The following CES3 variants were observed in gnomAD, a reference collection of about 807,000 sequenced individuals.
The protein encoded by CES3 is carboxylesterase 3.
A neutral mutation model predicts 57.6 loss-of-function variants in CES3; 49 were observed. The observed-to-expected ratio is 0.85, with a 90% CI of 0.68 to 1.08. CES3 has a LOEUF of 1.08. Among genes scored for constraint, CES3 ranks in the 50% least tolerant of loss-of-function variants. CES3 has a pLI of 0.00. For synonymous variants in CES3, 266 were observed against 281.6 expected (o/e 0.94, Z 0.55); for missense variants, 645 against 742.0 (o/e 0.87, Z 1.52).
In CES3 at chr16:66,963,891, C is replaced by T. The variant is rs775042194; in HGVS notation, c.516C>T (p.Val172=). The change falls in exon 4 of 13, where the codon GTC becomes GTT. Residue 172 remains valine, a synonymous_variant. Transcript: ENST00000303334. The surrounding 1 kb of genome is among the most constrained non-coding windows in gnomAD (Gnocchi z 4.9). ...CTCTGGCTGCCTATGGGGATGTGGTCGTGGTTACAGTCCAGTACCGCCTTG... is the reference window on the plus strand; with the variant it reads ...CTCTGGCTGCCTATGGGGATGTGGTTGTGGTTACAGTCCAGTACCGCCTTG... ...GSALAAYGDV[V]VVTVQYRLGV... is the part of the protein sequence containing the mutation. The T allele has an allele frequency of 5.0e-5, 81 of 1,614,016 alleles. No individual in the cohort carries two copies. Among genetic ancestry groups the T allele is most frequent in the Non-Finnish European group, 6.4e-5 (75 of 1,179,998 alleles).
intron 6 of CES3, among the ~76,000 whole-genome samples, chr16:66,965,804 G>A (rs1357476344): frequency 6.6e-6 from 1 of 152,136 alleles, no homozygotes; most frequent in East Asian, 1.9e-4. Context: ...GCCGGGCATG[G>A]TGGCAGGTGC....
intron 8 of CES3, among the ~76,000 whole-genome samples, chr16:66,968,571 T>C (rs1297502717): frequency 6.6e-6 from 1 of 152,214 alleles, no homozygotes; most frequent in Admixed American, 6.5e-5. Context: ...TCCCCTCATA[T>C]TGGTCCCTTG....
intron 10 of CES3, 107 bp from the exon 11 acceptor site, chr16:66,972,248 AT>A: frequency 8.7e-7 from 1 of 1,147,408 alleles, no homozygotes; most frequent in Non-Finnish European, 1.2e-6. Context: ...TTTTATCATC[AT>A]CATCATCATC....
intron 9 of CES3, 117 bp from the exon 10 acceptor site, chr16:66,971,055 C>G: frequency 1.6e-6 from 2 of 1,218,034 alleles, no homozygotes; most frequent in Admixed American, 5.6e-5. Flanking sequence ...CTGGCTGTCC[C>G]CTGGACCATC....
In CES3 at chr16:66,963,540, G is replaced by C. The variant is rs148757465; in HGVS notation, c.337G>C (p.Gly113Arg). The C allele has an allele frequency of 1.2e-6, 2 of 1,614,200 alleles. No homozygotes were observed. The highest frequency in any genetic ancestry group is 1.7e-6 in the Non-Finnish European group (2 of 1,180,032). Residue 113 changes from glycine (G) to arginine (R), a missense_variant, in exon 3 of 13, where the codon GGA (glycine) becomes CGA (arginine). Coordinates refer to ENST00000303334, the MANE Select transcript of CES3 (RefSeq NM_024922.6). This position sits in a 1 kb window ranked among gnomAD's most constrained non-coding sequence, Gnocchi z 4.9. ...GAACAGCAGCAGATTTGTCCTCAAC[G>C]GAAAACAGCAGATCTTCTCCGTTTC... ...SMNSSRFVLNGKQQIFSVSED... is the reference protein window; with the variant it reads ...SMNSSRFVLNRKQQIFSVSED...
chr16:66,967,685 CTTT>C (rs112843467), intron 8 of CES3: 84 of 907,618 alleles, frequency 9.3e-5, no homozygotes, highest in Non-Finnish European at 9.3e-5. Context: ...CTTCACTTTT[CTTT>C]TTTTTTTTTT....
In CES3 at chr16:66,973,005, T is replaced by C. The variant is rs780868285; in HGVS notation, c.1672T>C (p.Trp558Arg). The C allele has an allele frequency of 2.5e-6, 4 of 1,613,982 alleles. No homozygotes were observed. The South Asian group carries it at 4.4e-5, about 18-fold the overall frequency. Residue 558 changes from tryptophan (W) to arginine (R), a missense_variant, in exon 13 of 13, where the codon TGG becomes CGG. Transcript: ENST00000303334. ...SETLPSKIQQ[W>R]HQKQKNRKAQ... ...GACGCTCCCCAGCAAGATACAACAG[T>C]GGCACCAGAAGCAGAAGAACAGGAA... is the stretch of plus-strand genomic sequence containing the variant.
chr16:66,969,299 G>A (rs1485605507), intron 8 of CES3, among the ~76,000 whole-genome samples: 9 of 151,872 alleles, frequency 5.9e-5, no homozygotes, highest in African/African-American at 1.7e-4. Context: ...CCAGCTACTC[G>A]GGAGGCTGAG....
chr16:66,966,079 G>A (rs1963725317), intron 6 of CES3, among the ~76,000 whole-genome samples, 165 bp from the exon 7 acceptor site: 2 of 152,242 alleles, frequency 1.3e-5, no homozygotes, highest in South Asian at 2.1e-4. Flanking sequence ...TGACGGGCAG[G>A]GCAGGCTTCT....
At chr16:66,965,358 C>G (rs1459236945) in intron 6 of CES3, among the ~76,000 whole-genome samples, 1 of 152,074 alleles carries the variant, frequency 6.6e-6, no homozygotes, top group Non-Finnish European at 1.5e-5. Context: ...ATCAAGACAC[C>G]AGTGAAATGA....
intron 8 of CES3, 37 bp from the exon 9 acceptor site, chr16:66,969,642 G>A: frequency 3.1e-6 from 5 of 1,594,412 alleles, no homozygotes; most frequent in Non-Finnish European, 4.3e-6. Context: ...TGAGCCGGTG[G>A]TCAGGCTCCA....
intron 8 of CES3, among the ~76,000 whole-genome samples, chr16:66,968,178 A>C (rs1297336622): frequency 6.6e-6 from 1 of 151,898 alleles, no homozygotes; most frequent in Non-Finnish European, 1.5e-5. Flanking sequence ...TTTGTTTTTG[A>C]GATGGAGTTT....
chr16:66,968,106 G>A (rs750103575), intron 8 of CES3, among the ~76,000 whole-genome samples: 16 of 152,008 alleles, frequency 1.1e-4, no homozygotes, highest in Non-Finnish European at 1.9e-4. Context: ...GGAGCGTCTC[G>A]TTACATTGTT....
chr16:66,967,861 G>C (rs150704568), intron 8 of CES3: 32 of 669,454 alleles, frequency 4.8e-5, no homozygotes, highest in South Asian at 6.7e-5. Flanking sequence ...TCTCAGGCCC[G>C]AGCAATCCTC....
chr16:66,963,590 C>A lies in CES3; in HGVS notation c.387C>A (p.Val129=). 1 of 1,614,234 alleles carries A rather than the reference C, an allele frequency of 6.2e-7. No homozygotes were observed. Among genetic ancestry groups the A allele is most frequent in the Non-Finnish European group, 8.5e-7 (1 of 1,180,044 alleles). Residue 129 remains valine (V), a synonymous_variant, in exon 3 of 13, where the codon GTC becomes GTA. Transcript: ENST00000303334. The surrounding 1 kb of genome is among the most constrained non-coding windows in gnomAD (Gnocchi z 4.9). ...SVSEDCLVLN[V]YSPAEVPAGS... ...CAGAGGACTGCCTGGTCCTCAACGT[C>A]TATAGCCCAGCTGAGGTCCCCGCAG...
chr16:66,962,435 G>C (rs1963663952), intron 1 of CES3, among the ~76,000 whole-genome samples: 1 of 152,216 alleles, frequency 6.6e-6, no homozygotes, highest in African/African-American at 2.4e-5. Flanking sequence ...AAGAAGTTTA[G>C]TTAGGCCACA....
chr16:66,966,599 G>C, intron 7 of CES3, 126 bp from the exon 8 acceptor site: 1 of 1,260,848 alleles, frequency 7.9e-7, no homozygotes, highest in Non-Finnish European at 1.1e-6. Context: ...TAACCCTGGT[G>C]ATCTTCATCC....
rs952167410 is a variant in CES3 at position 66,972,763 on chromosome 16, G to A, written c.1520+17G>A. 3.7e-6 allele frequency: 6 copies of A among 1,614,152 alleles called. No individual in the cohort carries two copies. Among genetic ancestry groups the A allele is most frequent in the Non-Finnish European group, 5.1e-6 (6 of 1,180,004 alleles). ...CCGGACAGGGTGAGTGAGTGACAGG[G>A]CATAGCTCGCTTTGGGCCTGGGATG... On this transcript the variant is annotated intron_variant, in intron 12 of 12. Transcript: ENST00000303334.
intron 10 of CES3, 114 bp downstream of exon 10, chr16:66,971,433 C>T (rs555438049): frequency 4.3e-5 from 44 of 1,024,310 alleles, no homozygotes; most frequent in Admixed American, 2.9e-4. Context: ...TTGCACCCCA[C>T]ACCCCACTGC....
Sources: allele counts gnomAD v4.1 joint callset (sites outside exome capture counted in the v4.1 genomes callset), GRCh38; gene constraint gnomAD v4.1.1; non-coding constraint Gnocchi (gnomAD v3.1); transcripts MANE v1.5; gene names NCBI Gene and HGNC (gene_info 2026-07-23, HGNC 2026-07-21).